ADAMTS6: variants seen among roughly 807,000 people sequenced by gnomAD.
The protein encoded by ADAMTS6 is ADAM metallopeptidase with thrombospondin type 1 motif 6, also known as A disintegrin and metalloproteinase with thrombospondin motifs 6.
ADAMTS6 carries 23 observed loss-of-function variants against 144.3 expected under a neutral mutation model. The observed-to-expected ratio is 0.16, with a 90% CI of 0.11 to 0.23. The LOEUF (loss-of-function observed/expected upper bound fraction) is 0.23. Ranked by LOEUF, ADAMTS6 falls within the 10% of genes least tolerant of loss-of-function variation. ADAMTS6 has a pLI of 1.00. For missense variants in ADAMTS6, 999 were observed against 1,379.6 expected, an observed-to-expected ratio of 0.72 and a Z score of 4.37; for synonymous variants, 444 against 457.5, an observed-to-expected ratio of 0.97 and a Z score of 0.38.
intron 8 of ADAMTS6, among the ~76,000 whole-genome samples, chr5:65,330,546 T>G (rs924129699): frequency 1.3e-5 from 2 of 152,150 alleles, no homozygotes; most frequent in Non-Finnish European, 2.9e-5. Flanking sequence ...TTGAATACAG[T>G]AAGCAATGTT....
At chr5:65,175,360 AAGAAAGAG>A (rs1207199683) in intron 22 of ADAMTS6, among the ~76,000 whole-genome samples, 4 of 151,574 alleles carry the variant, frequency 2.6e-5, no homozygotes, top group African/African-American at 9.7e-5. Context: ...CAAAGAGAGA[AAGAAAGAG>A]AGAAAGAGAG....
chr5:65,420,792 T>TA (rs200537296), intron 7 of ADAMTS6, among the ~76,000 whole-genome samples: 12,805 of 152,236 alleles, frequency 0.084, 634 homozygotes, highest in Non-Finnish European at 0.11. Flanking sequence ...AGTCAAATGG[T>TA]AAAGTATTTT....
At chr5:65,344,216 C>T (rs1352301844) in intron 7 of ADAMTS6, among the ~76,000 whole-genome samples, 1 of 151,900 alleles carries the variant, frequency 6.6e-6, no homozygotes, top group East Asian at 1.9e-4. Flanking sequence ...CACTTCTTTG[C>T]CATCATCAAT....
At chr5:65,443,855 T>C (rs989685651) in intron 7 of ADAMTS6, among the ~76,000 whole-genome samples, 1 of 151,386 alleles carries the variant, frequency 6.6e-6, no homozygotes, top group Non-Finnish European at 1.5e-5. Context: ...CAAAGAAACC[T>C]ATAGCTAACA....
At chr5:65,389,158 C>T (rs954213059) in intron 7 of ADAMTS6, among the ~76,000 whole-genome samples, 1 of 151,728 alleles carries the variant, frequency 6.6e-6, no homozygotes, top group South Asian at 2.1e-4. Flanking sequence ...GAGCTGAGAT[C>T]GCGCCACTGC....
intron 13 of ADAMTS6, among the ~76,000 whole-genome samples, chr5:65,261,460 G>GA (rs1244021182): frequency 5.1e-5 from 7 of 136,610 alleles, no homozygotes; most frequent in Non-Finnish European, 1.1e-4. Context: ...TTTATCACAG[G>GA]GTTTTTTATA....
intron 7 of ADAMTS6, among the ~76,000 whole-genome samples, chr5:65,378,094 C>T (rs1365109566): frequency 6.6e-6 from 1 of 152,154 alleles, no homozygotes; most frequent in Admixed American, 6.6e-5. Flanking sequence ...CTACTTACAT[C>T]TGCAAGACCC....
At chr5:65,152,019 G>T in intron 24 of ADAMTS6, 74 bp from the exon 25 acceptor site, 1 of 1,299,300 alleles carries the variant, frequency 7.7e-7, no homozygotes, top group East Asian at 2.3e-5. Context: ...CGATGGGCCT[G>T]CATGTTCAGC....
At chr5:65,429,649 T>C (rs1283495378) in intron 7 of ADAMTS6, among the ~76,000 whole-genome samples, 1 of 152,140 alleles carries the variant, frequency 6.6e-6, no homozygotes, top group African/African-American at 2.4e-5. Context: ...GTTTTGTATA[T>C]GATATTGTTT....
intron 7 of ADAMTS6, among the ~76,000 whole-genome samples, chr5:65,449,652 AAAAT>A (rs1213825193): frequency 2.0e-5 from 3 of 151,948 alleles, no homozygotes; most frequent in African/African-American, 7.2e-5. Flanking sequence ...ATAAAAATAA[AAAAT>A]AAAAATTTAT....
chr5:65,180,777 C>A (rs1033369835), intron 22 of ADAMTS6, among the ~76,000 whole-genome samples: 1 of 152,128 alleles, frequency 6.6e-6, no homozygotes, highest in Non-Finnish European at 1.5e-5. Flanking sequence ...GCTTAGTACC[C>A]CACAGTAGTA....
chr5:65,391,139 T>C (rs556683336), intron 7 of ADAMTS6, among the ~76,000 whole-genome samples: 1 of 152,210 alleles, frequency 6.6e-6, no homozygotes, highest in African/African-American at 2.4e-5. Context: ...CAGTCTCGTA[T>C]CAAACTCCTG....
At position 65,273,381 on chromosome 5, in the gene ADAMTS6, C is replaced by T. The variant is rs1261024073; in HGVS notation, c.1579G>A (p.Ala527Thr). ...CCAGTTTGACACAGTGTCCCCTCAG[C>T]TGCTGGAATACTGTTGGTGACACAG... is the stretch of plus-strand genomic sequence containing the variant. ...NRCVTNSIPA[A>T]EGTLCQTGNI... Residue 527 changes from alanine (A) to threonine (T), a missense_variant, in exon 12 of 25, where the codon GCT becomes ACT. This residue lies in a region of ADAMTS6 where 619 missense variants were observed against 837.0 expected (regional missense o/e 0.74). Coordinates refer to ENST00000381055, the MANE Select transcript of ADAMTS6 (RefSeq NM_197941.4). The T allele has an allele frequency of 6.2e-7, 1 of 1,613,988 alleles. No individual in the cohort carries two copies. Among genetic ancestry groups the T allele is most frequent in the East Asian group, 2.2e-5 (1 of 44,878 alleles).
chr5:65,197,207 G>A (rs574388407), intron 20 of ADAMTS6, 56 bp from the exon 21 acceptor site: 1 of 1,585,478 alleles, frequency 6.3e-7, no homozygotes, highest in Admixed American at 1.7e-5. Flanking sequence ...CATTAAGTTA[G>A]GTATGCATAG....
intron 7 of ADAMTS6, among the ~76,000 whole-genome samples, chr5:65,387,349 A>T (rs1219129993): frequency 6.6e-6 from 1 of 152,228 alleles, no homozygotes; most frequent in Non-Finnish European, 1.5e-5. Flanking sequence ...TTCAATCATC[A>T]AACTATTGTA....
In ADAMTS6 at chr5:65,338,934, C is replaced by T. The variant is rs144096923; in HGVS notation, c.1074-4849G>A. Among the ~76,000 whole-genome samples the T allele has an allele frequency of 3.0e-3, 452 of 152,006 alleles. 2 individuals carry two copies. Among genetic ancestry groups the T allele is most frequent in the Middle Eastern group, 0.014 (4 of 294 alleles). ...CTGAGAAATAGCCCTGTGGGCCAAC[C>T]CTGGCAGACACATCCCCATGCCAGC... On this transcript the variant is annotated intron_variant, in intron 7 of 24. Coordinates refer to ENST00000381055, the MANE Select transcript of ADAMTS6 (RefSeq NM_197941.4).
intron 7 of ADAMTS6, among the ~76,000 whole-genome samples, chr5:65,382,201 T>C (rs2050533141): frequency 6.6e-6 from 1 of 152,198 alleles, no homozygotes; most frequent in African/African-American, 2.4e-5. Flanking sequence ...AATGGTATTG[T>C]CACCTCAACA....
At chr5:65,465,872 C>T (rs1029081690) in intron 3 of ADAMTS6, among the ~76,000 whole-genome samples, 4 of 152,200 alleles carry the variant, frequency 2.6e-5, no homozygotes, top group African/African-American at 7.2e-5. Context: ...AGTCCTTAGA[C>T]CTCTTCTCTA....
chr5:65,223,187 T>C (rs1327358992), intron 18 of ADAMTS6, among the ~76,000 whole-genome samples: 1 of 152,158 alleles, frequency 6.6e-6, no homozygotes, highest in Non-Finnish European at 1.5e-5. Context: ...ACTTTCTTTT[T>C]TTTCCAGCTT....
Sources: gnomAD v4.1 joint callset for allele counts (sites outside exome capture counted in the v4.1 genomes callset) on GRCh38, gnomAD v4.1.1 for gene constraint, gnomAD v4.1.1 regional missense constraint, MANE v1.5 for transcripts, NCBI Gene and HGNC (gene_info 2026-07-23, HGNC 2026-07-21) for gene names.